The following LRRTM4 variants were observed in gnomAD, a reference collection of about 807,000 sequenced individuals.
LRRTM4 encodes the protein leucine-rich repeat transmembrane neuronal protein 4.
In LRRTM4, 25 loss-of-function variants were observed where a neutral mutation model predicts 47.6. That is an observed-to-expected ratio of 0.53 (90% CI 0.38 to 0.73). The LOEUF (loss-of-function observed/expected upper bound fraction) is 0.73, where lower values mean the gene tolerates loss of function less well. LRRTM4 is among the 30% of genes least tolerant of loss of function. The pLI, the probability that LRRTM4 is intolerant of heterozygous loss-of-function variation, is 0.00. For missense variants in LRRTM4, 638 were observed against 713.4 expected (o/e 0.89, Z 1.20); for synonymous variants, 311 against 269.5 (o/e 1.15, Z -1.51).
At position 77,498,586 on chromosome 2, in the gene LRRTM4, T is replaced by A. The variant is rs145384114; in HGVS notation, c.1551+19732A>T. Among the ~76,000 whole-genome samples the A allele has an allele frequency of 4.7e-4, 72 of 151,928 alleles. 1 individual carries two copies. The East Asian group carries it at 0.012, about 25-fold the overall frequency. On this transcript the variant is annotated intron_variant, in intron 3 of 3. Transcript: ENST00000409884. The stretch of plus-strand genomic sequence containing the variant: ...CACTGATGCCTAACTAAACATTAAA[T>A]ATTCTTGGGCCTGGTGGGTGCTATA...
rs149339167 is a variant in LRRTM4 at position 76,796,788 on chromosome 2, T to G, written c.1552-47872A>C. 2.7e-3 allele frequency among the ~76,000 whole-genome samples: 408 copies of G among 151,840 alleles called. 1 individual carries two copies. The highest frequency in any genetic ancestry group is 5.8e-3 in the East Asian group (30 of 5,144). On this transcript the variant is annotated intron_variant, in intron 3 of 3. Coordinates refer to ENST00000409884, the MANE Select transcript of LRRTM4 (RefSeq NM_001134745.3). ...TCCAAAGGAACGCAGTTCCTCACCA[T>G]CAACAGAACGAATGACTTTGACAAG...
intron 3 of LRRTM4, among the ~76,000 whole-genome samples, chr2:76,756,718 C>T (rs1391856403): frequency 1.3e-5 from 2 of 151,904 alleles, no homozygotes; most frequent in African/African-American, 4.8e-5. Flanking sequence ...CTCTGAGCTC[C>T]TAATATTTGA....
chr2:76,771,193 C>G (rs915858728), intron 3 of LRRTM4, among the ~76,000 whole-genome samples: 13 of 152,088 alleles, frequency 8.5e-5, no homozygotes, highest in South Asian at 8.3e-4. Flanking sequence ...TCCTCACTTT[C>G]AATTCAAAGA....
chr2:77,414,428 C>A (rs1029407692), intron 3 of LRRTM4, among the ~76,000 whole-genome samples: 4 of 152,156 alleles, frequency 2.6e-5, no homozygotes, highest in African/African-American at 4.8e-5. Context: ...CCTTCCCCTG[C>A]CCTCTCCCCA....
At chr2:77,203,296 G>A (rs12621232) in intron 3 of LRRTM4, among the ~76,000 whole-genome samples, 29,745 of 151,804 alleles carry the variant, frequency 0.2, 5,594 homozygotes, top group African/African-American at 0.49. Flanking sequence ...AAAAACAAGC[G>A]TCCAAACAAA....
intron 3 of LRRTM4, among the ~76,000 whole-genome samples, chr2:76,943,204 G>A (rs924813487): frequency 6.6e-6 from 1 of 152,104 alleles, no homozygotes; most frequent in African/African-American, 2.4e-5. Context: ...TCTGTGATGG[G>A]TTCAGAACAC....
At chr2:76,849,157 T>G (rs1671920168) in intron 3 of LRRTM4, among the ~76,000 whole-genome samples, 1 of 152,114 alleles carries the variant, frequency 6.6e-6, no homozygotes, top group African/African-American at 2.4e-5. Context: ...TAGCTGATAG[T>G]TGCTGTGCTT....
chr2:77,147,548 A>T (rs1209975134), intron 3 of LRRTM4, among the ~76,000 whole-genome samples: 1 of 152,168 alleles, frequency 6.6e-6, no homozygotes, highest in Admixed American at 6.5e-5. Context: ...ATTTTCATCC[A>T]CACAAGTTTT....
chr2:77,477,563 C>T (rs1021430557), intron 3 of LRRTM4, among the ~76,000 whole-genome samples: 8 of 151,962 alleles, frequency 5.3e-5, no homozygotes, highest in African/African-American at 1.9e-4. Flanking sequence ...AGCCACTAGG[C>T]CAGGCACAGT....
chr2:77,300,672 TA>T (rs1278976932), intron 3 of LRRTM4, among the ~76,000 whole-genome samples: 6 of 152,206 alleles, frequency 3.9e-5, no homozygotes, highest in Non-Finnish European at 7.4e-5. Flanking sequence ...ATGTATTGAT[TA>T]ATTACTACTT....
At chr2:76,842,468 A>G (rs565332728) in intron 3 of LRRTM4, among the ~76,000 whole-genome samples, 9 of 152,228 alleles carry the variant, frequency 5.9e-5, no homozygotes, top group East Asian at 1.9e-4. Flanking sequence ...TGAAAATACC[A>G]TAAGTCGAAA....
intron 3 of LRRTM4, among the ~76,000 whole-genome samples, chr2:77,408,325 C>G (rs918398467): frequency 1.3e-5 from 2 of 152,140 alleles, no homozygotes; most frequent in Admixed American, 6.5e-5. Context: ...TTTAGTAATT[C>G]TTTCTTAATA....
chr2:76,971,921 G>A (rs1299060114), intron 3 of LRRTM4, among the ~76,000 whole-genome samples: 1 of 151,946 alleles, frequency 6.6e-6, no homozygotes, highest in Non-Finnish European at 1.5e-5. Context: ...ATAAAATGAG[G>A]ACTGTTGATC....
intron 3 of LRRTM4, among the ~76,000 whole-genome samples, chr2:77,193,156 G>T (rs1295829442): frequency 6.6e-6 from 1 of 152,130 alleles, no homozygotes; most frequent in African/African-American, 2.4e-5. Flanking sequence ...ATTGCCTACA[G>T]TATTTAATAC....
chr2:76,869,692 CTG>C (rs959911676), intron 3 of LRRTM4, among the ~76,000 whole-genome samples: 25 of 152,100 alleles, frequency 1.6e-4, no homozygotes, highest in African/African-American at 5.8e-4. Context: ...TACAATATAA[CTG>C]GAGGCAAAAT....
intron 3 of LRRTM4, among the ~76,000 whole-genome samples, chr2:77,463,727 T>C (rs189392815): frequency 1.3e-5 from 2 of 152,086 alleles, no homozygotes; most frequent in Non-Finnish European, 2.9e-5. Context: ...ATATGAGTAA[T>C]GAAAGTGATG....
intron 3 of LRRTM4, among the ~76,000 whole-genome samples, chr2:76,784,739 G>A (rs746756797): frequency 6.6e-6 from 1 of 151,856 alleles, no homozygotes; most frequent in African/African-American, 2.4e-5. Flanking sequence ...ATAAAATACC[G>A]TAACTGTGCT....
At chr2:76,952,844 TAC>T (rs1222626902) in intron 3 of LRRTM4, among the ~76,000 whole-genome samples, 2 of 151,908 alleles carry the variant, frequency 1.3e-5, no homozygotes, top group African/African-American at 4.8e-5. Context: ...TACAGAATAC[TAC>T]ACAGTCATAA....
At chr2:77,499,392 T>C (rs1322383936) in intron 3 of LRRTM4, among the ~76,000 whole-genome samples, 3 of 151,888 alleles carry the variant, frequency 2.0e-5, no homozygotes, top group Non-Finnish European at 4.4e-5. Context: ...TGAGGTCACA[T>C]TGTCCTGGTC....
Sources: gnomAD v4.1 joint callset for allele counts (sites outside exome capture counted in the v4.1 genomes callset) on GRCh38, gnomAD v4.1.1 for gene constraint, MANE v1.5 for transcripts, NCBI Gene and HGNC (gene_info 2026-07-23, HGNC 2026-07-21) for gene names.